Variants in CCDC60 observed in about 807,000 individuals in gnomAD.
CCDC60 encodes the protein coiled-coil domain containing 60.
In CCDC60, 54 loss-of-function variants were observed where a neutral mutation model predicts 63.5. The observed-to-expected ratio is 0.85, with a 90% CI of 0.68 to 1.07. The LOEUF (loss-of-function observed/expected upper bound fraction) is 1.07. Among genes scored for constraint, CCDC60 ranks in the 50% least tolerant of loss-of-function variants. CCDC60 has a pLI of 0.00. For synonymous variants in CCDC60, 206 were observed against 238.8 expected, an observed-to-expected ratio of 0.86 and a Z score of 1.27; for missense variants, 651 against 684.3, an observed-to-expected ratio of 0.95 and a Z score of 0.54.
At chr12:119,470,645 C>T (rs2136324411) in intron 2 of CCDC60, among the ~76,000 whole-genome samples, 1 of 152,270 alleles carries the variant, frequency 6.6e-6, no homozygotes, top group Non-Finnish European at 1.5e-5. Flanking sequence ...GGAATATTCC[C>T]ATGCAAAACC....
chr12:119,479,209 G>A lies in CCDC60; in HGVS notation c.449+8G>A, dbSNP rs1485502185. 3.1e-6 allele frequency: 5 copies of A among 1,596,392 alleles called. No homozygotes were observed. The South Asian group carries it at 5.5e-5, about 18-fold the overall frequency. On this transcript the variant is annotated splice_region_variant and intron_variant, in intron 4 of 13. Coordinates refer to ENST00000327554, the MANE Select transcript of CCDC60 (RefSeq NM_178499.5). The stretch of plus-strand genomic sequence containing the variant: ...GCTAACCGAGGCTCACGTGTAAGTA[G>A]TCTCACCTCCAGCTCATTTGCTTTG...
At chr12:119,431,203 G>A (rs188632083) in intron 2 of CCDC60, among the ~76,000 whole-genome samples, 142 of 152,228 alleles carry the variant, frequency 9.3e-4, no homozygotes, top group African/African-American at 3.0e-3. Flanking sequence ...ACGCAGAGCC[G>A]GCTGTGTGAG....
chr12:119,520,095 G>T (rs1212995131), intron 8 of CCDC60, 26 bp from the exon 9 acceptor site: 1 of 1,607,324 alleles, frequency 6.2e-7, no homozygotes, highest in South Asian at 1.1e-5. Flanking sequence ...TCAGCGCCTT[G>T]TTAAAGGACT....
chr12:119,387,337 G>T (rs146635324), intron 1 of CCDC60, among the ~76,000 whole-genome samples: 1 of 152,122 alleles, frequency 6.6e-6, no homozygotes, highest in Non-Finnish European at 1.5e-5. Flanking sequence ...TGTCTTGCAC[G>T]GTTTGAACAA....
intron 2 of CCDC60, among the ~76,000 whole-genome samples, chr12:119,462,858 C>T (rs1245411281): frequency 1.3e-5 from 2 of 151,762 alleles, no homozygotes. Flanking sequence ...GAGTCTTGCT[C>T]TCTCGCCCAG....
chr12:119,427,132 TG>T (rs60982086), intron 1 of CCDC60, among the ~76,000 whole-genome samples: 35,006 of 152,160 alleles, frequency 0.23, 4,085 homozygotes, highest in African/African-American at 0.25. Context: ...TCTTTCATTA[TG>T]TAACTAATTA....
chr12:119,468,250 C>G (rs982383717), intron 2 of CCDC60, among the ~76,000 whole-genome samples: 1 of 152,176 alleles, frequency 6.6e-6, no homozygotes, highest in African/African-American at 2.4e-5. Flanking sequence ...CGAGATCGCA[C>G]CACTACACTC....
At chr12:119,358,833 C>T (rs2136162021) in intron 1 of CCDC60, among the ~76,000 whole-genome samples, 1 of 152,256 alleles carries the variant, frequency 6.6e-6, no homozygotes, top group East Asian at 1.9e-4. Context: ...ATTTATTTAT[C>T]TGTTTACTTC....
chr12:119,523,013 G>A lies in CCDC60; in HGVS notation c.1103+12G>A, dbSNP rs1952572030. 6.2e-7 allele frequency: 1 copy of A among 1,613,520 alleles called. No individual in the cohort carries two copies. The highest frequency in any genetic ancestry group is 1.1e-5 in the South Asian group (1 of 91,066). On this transcript the variant is annotated intron_variant, in intron 10 of 13. Coordinates refer to ENST00000327554, the MANE Select transcript of CCDC60 (RefSeq NM_178499.5). ...AAGAAGTCTAAAAAGTAAGCCAGGAGGGCAATGGAAGGAACCACGCAAGAG... is the reference window on the plus strand; with the variant it reads ...AAGAAGTCTAAAAAGTAAGCCAGGAAGGCAATGGAAGGAACCACGCAAGAG...
At chr12:119,383,942 A>T (rs1386703107) in intron 1 of CCDC60, among the ~76,000 whole-genome samples, 1 of 151,992 alleles carries the variant, frequency 6.6e-6, no homozygotes, top group African/African-American at 2.4e-5. Flanking sequence ...CACGCCTGTA[A>T]TCCCAGCACT....
At chr12:119,530,046 T>A (rs1001662699) in intron 12 of CCDC60, among the ~76,000 whole-genome samples, 1 of 152,246 alleles carries the variant, frequency 6.6e-6, no homozygotes, top group Non-Finnish European at 1.5e-5. Flanking sequence ...GCACCTACTA[T>A]GAGTTAGGCA....
intron 1 of CCDC60, among the ~76,000 whole-genome samples, chr12:119,371,761 A>G (rs1195043770): frequency 6.6e-6 from 1 of 152,164 alleles, no homozygotes; most frequent in African/African-American, 2.4e-5. Flanking sequence ...GCTTCAAGAA[A>G]CAAACCAGCT....
chr12:119,498,192 G>A (rs534686390), intron 5 of CCDC60, among the ~76,000 whole-genome samples: 6 of 152,228 alleles, frequency 3.9e-5, no homozygotes, highest in Non-Finnish European at 8.8e-5. Flanking sequence ...TCAGCCTTAA[G>A]TTAGGTTTAT....
chr12:119,380,793 T>C (rs1299804842), intron 1 of CCDC60, among the ~76,000 whole-genome samples: 1 of 152,236 alleles, frequency 6.6e-6, no homozygotes, highest in Non-Finnish European at 1.5e-5. Context: ...CAGAGCCTTG[T>C]GAAGATTAGT....
intron 2 of CCDC60, among the ~76,000 whole-genome samples, chr12:119,451,877 G>A (rs1458150989): frequency 6.6e-6 from 1 of 152,182 alleles, no homozygotes; most frequent in Non-Finnish European, 1.5e-5. Flanking sequence ...GTTGCCTGAA[G>A]ATGTTGGTCC....
intron 7 of CCDC60, among the ~76,000 whole-genome samples, chr12:119,506,415 C>A: frequency 8.2e-6 from 1 of 121,994 alleles, no homozygotes; most frequent in Admixed American, 1.0e-4. Flanking sequence ...TCAGCTTGGG[C>A]AACGTGGTGA....
At chr12:119,490,781 G>A (rs927505039) in intron 5 of CCDC60, among the ~76,000 whole-genome samples, 17 of 152,006 alleles carry the variant, frequency 1.1e-4, no homozygotes, top group African/African-American at 4.1e-4. Flanking sequence ...GTCTTGCTAT[G>A]TTGCCCAGGC....
chr12:119,473,718 T>C (rs1427357093), intron 3 of CCDC60, among the ~76,000 whole-genome samples: 1 of 152,204 alleles, frequency 6.6e-6, no homozygotes, highest in Admixed American at 6.5e-5. Flanking sequence ...TGGTTTTCCA[T>C]TCCTGAGTTA....
rs147505092 is a variant in CCDC60 at position 119,488,772 on chromosome 12, C to T, written c.463C>T (p.Arg155Cys). ...CTGTCTTTGCAGCGAGCCCCTCTTC[C>T]GCCAGCTCTGTGCTCTCCACTGGCT... Reference protein sequence around the residue: ...LTEAHVEPLFRQLCALHWLLE... With the variant: ...LTEAHVEPLFCQLCALHWLLE... Residue 155 changes from arginine to cysteine, a missense_variant, in exon 5 of 14, where the codon CGC (arginine) becomes TGC (cysteine). Coordinates refer to ENST00000327554, the MANE Select transcript of CCDC60 (RefSeq NM_178499.5). 5.6e-5 allele frequency: 91 copies of T among 1,614,142 alleles called. No individual in the cohort carries two copies. The highest frequency in any genetic ancestry group is 6.6e-5 in the Non-Finnish European group (78 of 1,179,980).
Sources: allele counts gnomAD v4.1 joint callset (sites outside exome capture counted in the v4.1 genomes callset), GRCh38; gene constraint gnomAD v4.1.1; transcripts MANE v1.5; gene names NCBI Gene and HGNC (gene_info 2026-07-23, HGNC 2026-07-21).